DEPDC4: variants seen among roughly 807,000 people sequenced by gnomAD.
The protein encoded by DEPDC4 is DEP domain-containing protein 4.
Under a neutral mutation model 52.0 loss-of-function variants are expected in DEPDC4, and 52 were observed. The observed-to-expected ratio is 1.00, with a 90% CI of 0.80 to 1.26. The LOEUF (loss-of-function observed/expected upper bound fraction) is 1.26. Ranked by LOEUF, DEPDC4 falls within the 50% of genes most tolerant of loss-of-function variation. The pLI, the probability that DEPDC4 is intolerant of heterozygous loss-of-function variation, is 0.00. For missense variants in DEPDC4, 530 were observed against 546.9 expected (o/e 0.97, Z 0.31); for synonymous variants, 201 against 196.8 (o/e 1.02, Z -0.18).
chr12:100,273,271 A>G, the DEPDC4 span, among the ~76,000 whole-genome samples: 19,823 of 152,008 alleles, frequency 0.13, 1,601 homozygotes, highest in Non-Finnish European at 0.18. Flanking sequence ...TACTCCTACA[A>G]TTCTCCTATT....
downstream of DEPDC4, chr12:100,238,120 T>TAAA: frequency 2.5e-6 from 2 of 799,986 alleles, no homozygotes; most frequent in African/African-American, 1.9e-5. Flanking sequence ...CTCCCCAACT[T>TAAA]AAAAAAAAAA....
In DEPDC4 at chr12:100,252,267, G is replaced by A; in HGVS notation, c.1283C>T (p.Ala428Val). ...DNKTVVLKTL[A>V]KSVLQAKSLL... is the part of the protein sequence containing the mutation. ...TGATTTGGCTTGCAAAACTGATTTG[G>A]CAAGAGTTTTCAGGACCACTGTTTT... The change falls in exon 7 of 10, where the codon GCC becomes GTC. Residue 428 changes from alanine to valine, a missense_variant. Transcript: ENST00000550587. 7.1e-7 allele frequency: 1 copy of A among 1,410,938 alleles called. No individual in the cohort carries two copies. The highest frequency in any genetic ancestry group is 9.2e-7 in the Non-Finnish European group (1 of 1,081,298). The allele number at this position is 1,410,938 out of a possible 1,614,324, so 87.4% of individuals were successfully genotyped here.
intron 7 of DEPDC4, among the ~76,000 whole-genome samples, chr12:100,250,273 C>T (rs1052370099): frequency 6.6e-6 from 1 of 152,044 alleles, no homozygotes; most frequent in Non-Finnish European, 1.5e-5. Flanking sequence ...TGGAGTGCAG[C>T]GGTGCGATCT....
At chr12:100,234,399 T>C (rs1388099416) in intron 9 of DEPDC4, among the ~76,000 whole-genome samples, 1 of 152,124 alleles carries the variant, frequency 6.6e-6, no homozygotes, top group African/African-American at 2.4e-5. Context: ...TGAACTGACC[T>C]AACAGGATTC....
At chr12:100,239,380 A>T (rs557174936), downstream of DEPDC4, among the ~76,000 whole-genome samples, 2 of 142,328 alleles carry the variant, frequency 1.4e-5, no homozygotes, top group African/African-American at 2.6e-5. Context: ...CTGGCCAATA[A>T]TTTTTTTTTT....
intron 1 of DEPDC4, among the ~76,000 whole-genome samples, chr12:100,264,431 C>A (rs2096264615): frequency 1.3e-5 from 2 of 152,136 alleles, no homozygotes; most frequent in Non-Finnish European, 2.9e-5. Context: ...GTAATCCCAG[C>A]ATTTTCAGAA....
intron 9 of DEPDC4, among the ~76,000 whole-genome samples, chr12:100,234,763 GGATTT>G (rs1184515987): frequency 6.6e-6 from 1 of 152,100 alleles, no homozygotes; most frequent in Non-Finnish European, 1.5e-5. Flanking sequence ...AATTGAAGCT[GGATTT>G]ATTTATACAG....
intron 9 of DEPDC4, among the ~76,000 whole-genome samples, chr12:100,231,888 T>G (rs1406851671): frequency 1.3e-5 from 2 of 151,410 alleles, no homozygotes; most frequent in East Asian, 3.9e-4. Context: ...GAGGTTGCAG[T>G]GAGCTGAGAT....
At chr12:100,250,853 T>C (rs2096204736) in intron 7 of DEPDC4, among the ~76,000 whole-genome samples, 2 of 152,184 alleles carry the variant, frequency 1.3e-5, no homozygotes, top group Non-Finnish European at 2.9e-5. Flanking sequence ...TACTACCATC[T>C]ATTATTTATT....
At chr12:100,263,466 A>G (rs2096260916) in intron 2 of DEPDC4, 31 bp downstream of exon 2, 1 of 1,498,398 alleles carries the variant, frequency 6.7e-7, no homozygotes, top group African/African-American at 1.4e-5. Context: ...GTCTAAATAA[A>G]ATATATTACA....
At chr12:100,232,558 T>C (rs1458246070) in intron 9 of DEPDC4, among the ~76,000 whole-genome samples, 1 of 152,060 alleles carries the variant, frequency 6.6e-6, no homozygotes, top group Non-Finnish European at 1.5e-5. Flanking sequence ...CAGGTGATTC[T>C]GGTGCAGGTA....
rs916059842 is a variant in DEPDC4 at position 100,241,260 on chromosome 12, T to C, written c.*632A>G. Among the ~76,000 whole-genome samples the C allele has an allele frequency of 6.6e-6, 1 of 152,194 alleles. No homozygotes were observed. The highest frequency in any genetic ancestry group is 1.5e-5 in the Non-Finnish European group (1 of 68,034). ...GAAATTAACTGTACTAGATCCCTAA[T>C]AATAGCAGCACATTTATTAAGTGAT... On this transcript the variant is annotated 3_prime_UTR_variant, in exon 10 of 10. Transcript: ENST00000550587.
upstream of DEPDC4, among the ~76,000 whole-genome samples, chr12:100,270,514 G>T (rs556627036): frequency 4.5e-4 from 68 of 151,860 alleles, no homozygotes; most frequent in Non-Finnish European, 8.1e-4. Context: ...TACATGGGCT[G>T]GAAGTAGCTT....
rs755865071 is a variant in DEPDC4, at chr12:100,256,104, C to G, written c.823G>C (p.Val275Leu). The stretch of plus-strand genomic sequence containing the variant: ...CTGTCTAGGCAAGTGTTAGTGATAA[C>G]AAGATCTTCCTCTTTGTTTAGTTGA... The part of the protein sequence containing the change: ...NLQLNKEEDL[V>L]ITNTCLDREL... Residue 275 changes from valine (V) to leucine (L), a missense_variant, in exon 4 of 10, where the codon GTT becomes CTT. Physicochemically the swap from Val to Leu is conservative, Grantham distance 32 (BLOSUM62 1). Coordinates refer to ENST00000550587, the MANE Select transcript of DEPDC4 (RefSeq NM_001364818.2). The G allele has an allele frequency of 1.9e-6, 3 of 1,613,240 alleles. No homozygotes were observed. The East Asian group carries it at 6.7e-5, about 36-fold the overall frequency.
Position 100,241,642 on chromosome 12 carries a change from C to T in DEPDC4, c.*250G>A, listed in dbSNP as rs970162876. 9.9e-5 allele frequency: 115 copies of T among 1,167,500 alleles called. No individual in the cohort carries two copies. Among genetic ancestry groups the T allele is most frequent in the Non-Finnish European group, 1.2e-4 (109 of 924,918 alleles). 72.3% of individuals were successfully genotyped at this position (1,167,500 alleles called of 1,614,324 possible). ...ACCACCAGAGAATTGTTTATATTTACAAATTGTAGTTTCTTGTATCAGAAA... is the reference window on the plus strand; with the variant it reads ...ACCACCAGAGAATTGTTTATATTTATAAATTGTAGTTTCTTGTATCAGAAA... On this transcript the variant is annotated 3_prime_UTR_variant, in exon 10 of 10. Coordinates refer to ENST00000550587, the MANE Select transcript of DEPDC4 (RefSeq NM_001364818.2).
chr12:100,275,200 CT>C, the DEPDC4 span, among the ~76,000 whole-genome samples: 8 of 148,412 alleles, frequency 5.4e-5, no homozygotes, highest in African/African-American at 7.4e-5. Context: ...AATGCAATTT[CT>C]TTTTTTTTTC....
chr12:100,252,055 T>C lies in DEPDC4; in HGVS notation c.1374+121A>G, dbSNP rs543262858. 2.0e-4 allele frequency: 186 copies of C among 921,986 alleles called. 1 individual carries two copies. In the South Asian group the frequency reaches 6.0e-3, roughly 30 times the overall value. 57.1% of individuals were successfully genotyped at this position (921,986 alleles called of 1,614,324 possible). ...CTTTTGTGGGTGTGGGGAGTCAGCA[T>C]TTCTTCAAACTTTGCACATTATAGG... On this transcript the variant is annotated intron_variant, in intron 7 of 9. Transcript: ENST00000550587.
At chr12:100,250,994 G>A (rs1424966171) in intron 7 of DEPDC4, among the ~76,000 whole-genome samples, 3 of 151,972 alleles carry the variant, frequency 2.0e-5, no homozygotes, top group African/African-American at 4.8e-5. Flanking sequence ...TGCCTCTATT[G>A]TATATACTTA....
At chr12:100,248,323 T>C (rs1174833594) in intron 8 of DEPDC4, among the ~76,000 whole-genome samples, 1 of 152,216 alleles carries the variant, frequency 6.6e-6, no homozygotes, top group Non-Finnish European at 1.5e-5. Flanking sequence ...GACAATTTGG[T>C]GCTGGCACTC....
Sources: allele counts gnomAD v4.1 joint callset (sites outside exome capture counted in the v4.1 genomes callset), GRCh38; gene constraint gnomAD v4.1.1; transcripts MANE v1.5; gene names NCBI Gene and HGNC (gene_info 2026-07-23, HGNC 2026-07-21).